The following TMEFF2 variants were observed in gnomAD, a reference collection of about 807,000 sequenced individuals.
The protein encoded by TMEFF2 is transmembrane protein with EGF like and two follistatin like domains 2.
Under a neutral mutation model 53.8 loss-of-function variants are expected in TMEFF2, and 28 were observed. That is an observed-to-expected ratio of 0.52 (90% CI 0.39 to 0.71). The LOEUF (loss-of-function observed/expected upper bound fraction) is 0.71. Among genes scored for constraint, TMEFF2 ranks in the 30% least tolerant of loss-of-function variants. The pLI is 0.00. For missense variants in TMEFF2, 353 were observed against 455.2 expected (o/e 0.78, Z 2.04); for synonymous variants, 162 against 166.3 (o/e 0.97, Z 0.20).
At chr2:191,965,464 G>A (rs10179647) in intron 7 of TMEFF2, among the ~76,000 whole-genome samples, 150,528 of 152,278 alleles carry the variant, frequency 0.99, 74,426 homozygotes, top group Middle Eastern at 1. Flanking sequence ...CTCGAAATAT[G>A]TTTTCCACCT....
At chr2:192,026,802 A>T (rs907661878) in intron 5 of TMEFF2, among the ~76,000 whole-genome samples, 1 of 152,170 alleles carries the variant, frequency 6.6e-6, no homozygotes, top group Non-Finnish European at 1.5e-5. Context: ...AAGAAAACTG[A>T]AGAAAATGCT....
At chr2:192,158,877 A>G (rs528375094) in intron 4 of TMEFF2, among the ~76,000 whole-genome samples, 1 of 152,236 alleles carries the variant, frequency 6.6e-6, no homozygotes, top group East Asian at 1.9e-4. Flanking sequence ...TTCAACACCT[A>G]AACTATTCTT....
At chr2:192,021,424 C>CA (rs1450833067) in intron 5 of TMEFF2, among the ~76,000 whole-genome samples, 19 of 151,964 alleles carry the variant, frequency 1.3e-4, no homozygotes, top group Admixed American at 1.1e-3. Flanking sequence ...TAGAAAAAGA[C>CA]AAAGGGTGAA....
At chr2:192,147,343 T>TA (rs879400260) in intron 4 of TMEFF2, among the ~76,000 whole-genome samples, 3 of 152,134 alleles carry the variant, frequency 2.0e-5, no homozygotes, top group East Asian at 1.9e-4. Flanking sequence ...CTCTTTTTTT[T>TA]ATTATACTTT....
At chr2:192,119,813 T>C (rs979514293) in intron 4 of TMEFF2, among the ~76,000 whole-genome samples, 1 of 152,212 alleles carries the variant, frequency 6.6e-6, no homozygotes, top group African/African-American at 2.4e-5. Context: ...AGTTTTCACA[T>C]GTAGGTGTTG....
chr2:192,152,588 T>C (rs879707506), intron 4 of TMEFF2, among the ~76,000 whole-genome samples: 4 of 151,986 alleles, frequency 2.6e-5, no homozygotes, highest in Non-Finnish European at 4.4e-5. Flanking sequence ...ATAACGTCTA[T>C]GAAGGTAGCT....
intron 3 of TMEFF2, among the ~76,000 whole-genome samples, chr2:192,181,775 T>G (rs1216734434): frequency 6.6e-6 from 1 of 151,666 alleles, no homozygotes. Flanking sequence ...TTTCTAAAAC[T>G]TCAAGGGGCA....
intron 7 of TMEFF2, among the ~76,000 whole-genome samples, chr2:191,970,151 CCTCT>C (rs1348648538): frequency 6.6e-6 from 1 of 151,936 alleles, no homozygotes; most frequent in African/African-American, 2.4e-5. Context: ...CCGTGTTGTC[CCTCT>C]ATTTAACCTG....
At chr2:191,983,956 G>T (rs1339501632) in intron 7 of TMEFF2, among the ~76,000 whole-genome samples, 1 of 152,098 alleles carries the variant, frequency 6.6e-6, no homozygotes, top group African/African-American at 2.4e-5. Context: ...GTCACATACA[G>T]CAATGAATGA....
chr2:192,092,021 T>TTAAA (rs202039380), intron 4 of TMEFF2, among the ~76,000 whole-genome samples: 3,112 of 152,226 alleles, frequency 0.02, 96 homozygotes, highest in African/African-American at 0.07. Context: ...CTTAAACAAC[T>TTAAA]GATGTCTAGG....
intron 5 of TMEFF2, chr2:192,032,060 CA>C (rs1687151575): frequency 6.6e-6 from 1 of 152,140 alleles, no homozygotes; most frequent in African/African-American, 2.4e-5. Flanking sequence ...CTTTTAGCCC[CA>C]TTGGTTTTCT....
intron 4 of TMEFF2, among the ~76,000 whole-genome samples, chr2:192,110,877 G>C (rs1309026482): frequency 6.6e-6 from 1 of 152,110 alleles, no homozygotes; most frequent in Non-Finnish European, 1.5e-5. Flanking sequence ...CCCATATACT[G>C]TTCTCATGGT....
At chr2:192,119,912 A>G (rs1689507632) in intron 4 of TMEFF2, among the ~76,000 whole-genome samples, 1 of 152,214 alleles carries the variant, frequency 6.6e-6, no homozygotes, top group Non-Finnish European at 1.5e-5. Flanking sequence ...GGGTTAAATT[A>G]CAGTGGCTGA....
At chr2:191,958,441 G>T (rs2105789767) in intron 7 of TMEFF2, among the ~76,000 whole-genome samples, 1 of 152,214 alleles carries the variant, frequency 6.6e-6, no homozygotes, top group African/African-American at 2.4e-5. Context: ...CTTTCTGTCA[G>T]TTACAAAAGA....
chr2:192,021,732 A>G (rs1039895934), intron 5 of TMEFF2, among the ~76,000 whole-genome samples: 2 of 152,212 alleles, frequency 1.3e-5, no homozygotes, highest in Non-Finnish European at 2.9e-5. Flanking sequence ...GTGGAGAAGA[A>G]CTTCAAACTG....
chr2:192,102,063 C>G (rs16834204), intron 4 of TMEFF2, among the ~76,000 whole-genome samples: 12,464 of 151,932 alleles, frequency 0.082, 622 homozygotes, highest in East Asian at 0.2. Context: ...TTAGTTTTGG[C>G]GTGACTAAGC....
intron 4 of TMEFF2, among the ~76,000 whole-genome samples, chr2:192,158,841 C>A (rs532201411): frequency 6.6e-6 from 1 of 152,148 alleles, no homozygotes; most frequent in East Asian, 1.9e-4. Context: ...GAGAGCAAAT[C>A]GGAAAATGAT....
rs141651275 is a variant in TMEFF2 at position 192,145,773 on chromosome 2, G to A, written c.439+33895C>T. Among the ~76,000 whole-genome samples, 19 of 151,894 alleles carry A rather than the reference G, an allele frequency of 1.3e-4. No homozygotes were observed. In the East Asian group the frequency reaches 3.1e-3, roughly 25 times the overall value. ...ACTTCTCTGTGCCTCAGTTTTCATCGGTATATTTTAGGGTTGCCACAATGA... is the reference window on the plus strand; with the variant it reads ...ACTTCTCTGTGCCTCAGTTTTCATCAGTATATTTTAGGGTTGCCACAATGA... On this transcript the variant is annotated intron_variant, in intron 4 of 9. Transcript: ENST00000272771.
intron 1 of TMEFF2, among the ~76,000 whole-genome samples, chr2:192,192,307 AT>A (rs950621245): frequency 4.0e-5 from 6 of 149,066 alleles, no homozygotes; most frequent in Non-Finnish European, 4.5e-5. Context: ...TTTTATTTTT[AT>A]TTTTTGCTCA....
Sources: gnomAD v4.1 joint callset for allele counts (sites outside exome capture counted in the v4.1 genomes callset) on GRCh38, gnomAD v4.1.1 for gene constraint, MANE v1.5 for transcripts, NCBI Gene and HGNC (gene_info 2026-07-23, HGNC 2026-07-21) for gene names.